KLHDC4: variants seen among roughly 807,000 people sequenced by gnomAD.
KLHDC4 encodes kelch domain-containing protein 4.
Under a neutral mutation model 62.4 loss-of-function variants are expected in KLHDC4, and 90 were observed. The ratio of observed to expected loss-of-function variants is 1.44; its 90% CI spans 1.22 to 1.72. The LOEUF (loss-of-function observed/expected upper bound fraction) is 1.72, where lower values mean the gene tolerates loss of function less well. Ranked by LOEUF, KLHDC4 falls within the 40% of genes most tolerant of loss-of-function variation. KLHDC4 has a pLI of 0.00. For missense variants in KLHDC4, 1,025 were observed against 699.7 expected (o/e 1.47, Z -5.25); for synonymous variants, 386 against 284.4 (o/e 1.36, Z -3.59).
chr16:87,743,113 A>C (rs1378989295), intron 5 of KLHDC4: 1 of 152,186 alleles, frequency 6.6e-6, no homozygotes, highest in East Asian at 1.9e-4. Flanking sequence ...TTGCATTCTG[A>C]TGTTTCGTTA....
Position 87,734,694 on chromosome 16 carries a change from G to T in KLHDC4, c.507-4050C>A, listed in dbSNP as rs2040972431. 2.6e-5 allele frequency among the ~76,000 whole-genome samples: 4 copies of T among 152,170 alleles called. No individual in the cohort carries two copies. The South Asian group carries it at 8.3e-4, about 32-fold the overall frequency. ...CCCGGAGTTGGCATGAGCCTTTGGG[G>T]TGGCCTCTTCACATAGGGATACCCA... On this transcript the variant is annotated intron_variant, in intron 5 of 11. Coordinates refer to ENST00000270583, the MANE Select transcript of KLHDC4 (RefSeq NM_017566.4).
chr16:87,722,492 T>C (rs1020839672), intron 7 of KLHDC4, among the ~76,000 whole-genome samples: 1 of 152,236 alleles, frequency 6.6e-6, no homozygotes. Flanking sequence ...AGCCTTGCCA[T>C]GCAGAACCAC....
intron 5 of KLHDC4, among the ~76,000 whole-genome samples, chr16:87,734,358 A>G (rs2040911756): frequency 6.6e-6 from 1 of 152,132 alleles, no homozygotes. Context: ...AAAAAAAAAC[A>G]CAAGACATCA....
intron 5 of KLHDC4, among the ~76,000 whole-genome samples, chr16:87,745,858 T>C (rs1408958938): frequency 1.3e-5 from 2 of 152,214 alleles, no homozygotes; most frequent in Non-Finnish European, 2.9e-5. Flanking sequence ...GTCACCGCTG[T>C]GCGTCTCGTC....
At chr16:87,756,077 G>T in intron 3 of KLHDC4, 1 of 213,716 alleles carries the variant, frequency 4.7e-6, no homozygotes, top group Admixed American at 5.1e-5. Context: ...CCTGAAAGCT[G>T]AGTGTGAAAC....
exon 1 of KLHDC4, chr16:87,698,871 T>C (rs3751726): frequency 0.064 from 9,749 of 152,382 alleles, 390 homozygotes; most frequent in South Asian, 0.17. Context: ...TGGCTGCTGC[T>C]GCATGGAGAA....
intron 7 of KLHDC4, among the ~76,000 whole-genome samples, chr16:87,718,200 G>A (rs1597446092): frequency 6.6e-6 from 1 of 152,060 alleles, no homozygotes; most frequent in Non-Finnish European, 1.5e-5. Context: ...TGTTTTTCTG[G>A]ATCACCTGTG....
rs147427392 is a variant in KLHDC4, at chr16:87,755,077, G to A, written c.369+117C>T. The A allele has an allele frequency of 2.2e-3, 1,445 of 647,370 alleles. 13 individuals are homozygous for A. The highest frequency in any genetic ancestry group is 0.021 in the African/African-American group (1,164 of 54,762). 40.1% of individuals were successfully genotyped at this position (647,370 alleles called of 1,614,324 possible). The stretch of plus-strand genomic sequence containing the variant: ...AAGTGAGCAAACAGCAGAACCAGGC[G>A]ATCTACAGGGCCCAGCCCCTCCGCA... On this transcript the variant is annotated intron_variant, in intron 4 of 11. Coordinates refer to ENST00000270583, the MANE Select transcript of KLHDC4 (RefSeq NM_017566.4).
At chr16:87,730,813 C>A (rs2040215644) in intron 5 of KLHDC4, 169 bp from the exon 6 acceptor site, 1 of 574,392 alleles carries the variant, frequency 1.7e-6, no homozygotes, top group Non-Finnish European at 3.0e-6. Context: ...CCAAAACCAT[C>A]CTGCTAAGAG....
intron 5 of KLHDC4, among the ~76,000 whole-genome samples, chr16:87,741,496 C>T (rs1228842053): frequency 1.3e-5 from 2 of 152,130 alleles, no homozygotes; most frequent in African/African-American, 2.4e-5. Flanking sequence ...GTTGTGAGCT[C>T]CTTAGGACAA....
intron 7 of KLHDC4, among the ~76,000 whole-genome samples, chr16:87,722,731 G>A (rs1164367028): frequency 6.6e-6 from 1 of 152,372 alleles, no homozygotes; most frequent in East Asian, 1.9e-4. Flanking sequence ...GTTCTGCATA[G>A]AGGAGACCTG....
At chr16:87,718,549 T>G (rs577616022) in intron 7 of KLHDC4, among the ~76,000 whole-genome samples, 63 of 151,634 alleles carry the variant, frequency 4.2e-4, no homozygotes, top group South Asian at 8.4e-4. Context: ...TTTGCTGGAG[T>G]GCAGTGGCGT....
At chr16:87,734,404 T>A (rs2040918968) in intron 5 of KLHDC4, among the ~76,000 whole-genome samples, 1 of 151,806 alleles carries the variant, frequency 6.6e-6, no homozygotes, top group Admixed American at 6.6e-5. Context: ...GAAGCTTGAG[T>A]GATCTAATCC....
At chr16:87,740,494 T>G (rs2042076494) in intron 5 of KLHDC4, 3 of 152,088 alleles carry the variant, frequency 2.0e-5, no homozygotes. Context: ...ACAGGGCCTC[T>G]CTCCCGCCCA....
exon 1 of KLHDC4, chr16:87,698,977 AG>A (rs2034020102): frequency 6.6e-6 from 1 of 152,220 alleles, no homozygotes; most frequent in Non-Finnish European, 1.5e-5. Flanking sequence ...CGAGGCCAGG[AG>A]GAAGTGGTGG....
At chr16:87,755,504 T>G in intron 3 of KLHDC4, 1 of 436,476 alleles carries the variant, frequency 2.3e-6, no homozygotes, top group South Asian at 2.2e-5. Flanking sequence ...CCCATCAATC[T>G]GGAAGGTACT....
chr16:87,710,859 T>C (rs1039020818), intron 9 of KLHDC4: 11 of 195,914 alleles, frequency 5.6e-5, no homozygotes, highest in South Asian at 2.2e-4. Flanking sequence ...ACAGCAGCTA[T>C]GCTCACGTGG....
intron 1 of KLHDC4, chr16:87,764,916 G>A: frequency 2.9e-6 from 1 of 346,480 alleles, no homozygotes; most frequent in Non-Finnish European, 5.7e-6. Context: ...AGGACATGGA[G>A]AGATCAATGA....
At chr16:87,721,943 C>T (rs1022034597) in intron 7 of KLHDC4, among the ~76,000 whole-genome samples, 1 of 152,166 alleles carries the variant, frequency 6.6e-6, no homozygotes, top group Admixed American at 6.5e-5. Context: ...TCCACCGTCG[C>T]GCCCCCACCC....
Sources: allele counts gnomAD v4.1 joint callset (sites outside exome capture counted in the v4.1 genomes callset), GRCh38; gene constraint gnomAD v4.1.1; transcripts MANE v1.5; gene names NCBI Gene and HGNC (gene_info 2026-07-23, HGNC 2026-07-21).